TXLNB: variants seen among roughly 807,000 people sequenced by gnomAD.
The protein encoded by TXLNB is beta-taxilin.
In TXLNB, 37 loss-of-function variants were observed where a neutral mutation model predicts 57.4. The observed-to-expected ratio is 0.64, with a 90% confidence interval of 0.50 to 0.85. TXLNB has a LOEUF of 0.85. TXLNB is among the 40% of genes least tolerant of loss of function. The probability of loss-of-function intolerance (pLI) is 0.00; values close to 1 mark genes in which losing one functional copy is unlikely to be tolerated. For missense variants in TXLNB, 848 were observed against 825.6 expected (o/e 1.03, Z -0.33); for synonymous variants, 302 against 309.6 (o/e 0.98, Z 0.26).
At chr6:139,171,836 GTT>G in the TXLNB span, among the ~76,000 whole-genome samples, 1 of 141,606 alleles carries the variant, frequency 7.1e-6, no homozygotes, top group Non-Finnish European at 1.5e-5. Flanking sequence ...TTGTTGTTGT[GTT>G]TTTTTTTTTT....
At chr6:139,194,088 G>A in the TXLNB span, among the ~76,000 whole-genome samples, 9 of 151,770 alleles carry the variant, frequency 5.9e-5, no homozygotes, top group South Asian at 4.2e-4. Context: ...TGATCCGCCC[G>A]CCTCGGCCTC....
chr6:139,300,592 T>G, the TXLNB span, among the ~76,000 whole-genome samples: 1 of 152,138 alleles, frequency 6.6e-6, no homozygotes, highest in East Asian at 1.9e-4. Context: ...CTTATATGAC[T>G]CCTTTGTCCT....
At chr6:139,202,601 T>C in the TXLNB span, among the ~76,000 whole-genome samples, 1 of 152,238 alleles carries the variant, frequency 6.6e-6, no homozygotes, top group Non-Finnish European at 1.5e-5. Context: ...ATTGTACATA[T>C]TTATAAAGTA....
chr6:139,254,651 T>C (rs1476314915), intron 7 of TXLNB, among the ~76,000 whole-genome samples: 1 of 152,132 alleles, frequency 6.6e-6, no homozygotes, highest in Non-Finnish European at 1.5e-5. Flanking sequence ...CCCCCTTTTT[T>C]TGAGTCTGAA....
chr6:139,190,302 T>C, the TXLNB span, among the ~76,000 whole-genome samples: 1 of 81,602 alleles, frequency 1.2e-5, no homozygotes. Flanking sequence ...TGTTTCTTTC[T>C]TTCTTTCTTT....
At chr6:139,308,596 G>T in the TXLNB span, among the ~76,000 whole-genome samples, 3 of 152,174 alleles carry the variant, frequency 2.0e-5, no homozygotes, top group Non-Finnish European at 4.4e-5. Context: ...TATGGACTAT[G>T]TCGTTAGTGG....
chr6:139,195,125 A>C, the TXLNB span, among the ~76,000 whole-genome samples: 1 of 152,168 alleles, frequency 6.6e-6, no homozygotes, highest in South Asian at 2.1e-4. Context: ...CCTGGAGGCC[A>C]TCTATGTTTC....
chr6:139,304,957 C>A, the TXLNB span, among the ~76,000 whole-genome samples: 1 of 152,186 alleles, frequency 6.6e-6, no homozygotes, highest in African/African-American at 2.4e-5. Context: ...GTGTGTAAAT[C>A]TTGTTTTTTA....
At chr6:139,276,135 T>C (rs1171042818) in intron 3 of TXLNB, among the ~76,000 whole-genome samples, 1 of 152,204 alleles carries the variant, frequency 6.6e-6, no homozygotes, top group Non-Finnish European at 1.5e-5. Context: ...TGAAAGTTGC[T>C]AGAACAGTTC....
chr6:139,246,126 A>G (rs1350439558), intron 8 of TXLNB, among the ~76,000 whole-genome samples: 1 of 152,182 alleles, frequency 6.6e-6, no homozygotes, highest in Non-Finnish European at 1.5e-5. Context: ...CAGGTCAACT[A>G]CTAACGTCCA....
the TXLNB span, among the ~76,000 whole-genome samples, chr6:139,202,247 G>T: frequency 1.4e-4 from 21 of 152,184 alleles, no homozygotes; most frequent in East Asian, 3.5e-3. Flanking sequence ...TGTGACCTCT[G>T]GTTTAGCTGA....
At chr6:139,291,418 G>T (rs1777298585) in intron 1 of TXLNB, among the ~76,000 whole-genome samples, 1 of 152,122 alleles carries the variant, frequency 6.6e-6, no homozygotes, top group Non-Finnish European at 1.5e-5. Context: ...AAATGCAAGT[G>T]GCTGTTTGTA....
At chr6:139,304,566 C>A in the TXLNB span, among the ~76,000 whole-genome samples, 1 of 152,164 alleles carries the variant, frequency 6.6e-6, no homozygotes, top group Admixed American at 6.5e-5. Flanking sequence ...TGAGCTGAAA[C>A]AAGTGGCAAC....
chr6:139,167,100 C>G, the TXLNB span: 1 of 1,614,222 alleles, frequency 6.2e-7, no homozygotes, highest in Non-Finnish European at 8.5e-7. Context: ...AAGCTGAACA[C>G]TTTCCACGTG....
chr6:139,163,036 A>G, the TXLNB span, among the ~76,000 whole-genome samples: 1 of 152,102 alleles, frequency 6.6e-6, no homozygotes, highest in African/African-American at 2.4e-5. Flanking sequence ...CCTGCCCTCC[A>G]TCATTCCCGC....
chr6:139,270,375 C>T (rs1776727047), intron 4 of TXLNB, 81 bp downstream of exon 4: 12 of 1,357,082 alleles, frequency 8.8e-6, no homozygotes, highest in Non-Finnish European at 1.2e-5. Context: ...TTCTAAAATT[C>T]ACACTCTTTC....
intron 1 of TXLNB, among the ~76,000 whole-genome samples, chr6:139,290,906 A>G (rs28623648): frequency 0.38 from 57,449 of 152,148 alleles, 13,097 homozygotes; most frequent in African/African-American, 0.65. Context: ...TTGAATGCTC[A>G]GACACCAACA....
the TXLNB span, among the ~76,000 whole-genome samples, chr6:139,206,237 T>A: frequency 4.0e-5 from 6 of 151,876 alleles, no homozygotes; most frequent in South Asian, 1.3e-3. Flanking sequence ...AAAGCATGAG[T>A]CTCACAGGGC....
the TXLNB span, among the ~76,000 whole-genome samples, chr6:139,229,185 A>G: frequency 1.3e-5 from 2 of 152,230 alleles, no homozygotes; most frequent in Non-Finnish European, 2.9e-5. Flanking sequence ...ATGTACGAGA[A>G]AAGGACAGAT....
Sources: gnomAD v4.1 joint callset for allele counts (sites outside exome capture counted in the v4.1 genomes callset) on GRCh38, gnomAD v4.1.1 for gene constraint, MANE v1.5 for transcripts, NCBI Gene and HGNC (gene_info 2026-07-23, HGNC 2026-07-21) for gene names.